The following COPB2 variants were observed in gnomAD, a reference collection of about 807,000 sequenced individuals.
The protein encoded by COPB2 is coatomer subunit beta'.
COPB2 carries 16 observed loss-of-function variants against 120.8 expected under a neutral mutation model. The ratio of observed to expected loss-of-function variants is 0.13; its 90% CI spans 0.09 to 0.20. The LOEUF (loss-of-function observed/expected upper bound fraction) is 0.20, where lower values mean the gene tolerates loss of function less well. Ranked by LOEUF, COPB2 falls within the 10% of genes least tolerant of loss-of-function variation. The pLI is 1.00. For synonymous variants in COPB2, 332 were observed against 366.3 expected (o/e 0.91, Z 1.07); for missense variants, 794 against 1,076.5 (o/e 0.74, Z 3.67).
rs944097587 is a variant in COPB2 at position 139,371,953 on chromosome 3, T to C, written c.1095-120A>G. 3.2e-5 allele frequency: 22 copies of C among 690,860 alleles called. 1 individual carries two copies. The East Asian group carries it at 3.4e-4, about 11-fold the overall frequency. The allele number at this position is 690,860 out of a possible 1,614,324, so 42.8% of individuals were successfully genotyped here. On this transcript the variant is annotated intron_variant, in intron 9 of 21. Coordinates refer to ENST00000333188, the MANE Select transcript of COPB2 (RefSeq NM_004766.3). ...ATAACAAATGTTATTTAGTTCATTATTACAATTTAACATCTTTTAAAAGTT... is the reference window on the plus strand; with the variant it reads ...ATAACAAATGTTATTTAGTTCATTACTACAATTTAACATCTTTTAAAAGTT...
intron 17 of COPB2, 44 bp downstream of exon 17, chr3:139,361,037 C>A: frequency 6.3e-7 from 1 of 1,598,630 alleles, no homozygotes; most frequent in Non-Finnish European, 8.6e-7. Context: ...CTCCAAAAAC[C>A]ATCCTCAGTG....
At chr3:139,388,874 C>T (rs934088617) in intron 1 of COPB2, among the ~76,000 whole-genome samples, 1 of 151,302 alleles carries the variant, frequency 6.6e-6, no homozygotes, top group Non-Finnish European at 1.5e-5. Context: ...TATTATAACA[C>T]TCTTGTGCAA....
rs141200400 is a variant in COPB2, at chr3:139,359,887, T to C, written c.2211-525A>G. ...TTTTCGAAAGGTGATACAGTATGTATACTATGTATTACCTTACATCCTCAG... is the reference window on the plus strand; with the variant it reads ...TTTTCGAAAGGTGATACAGTATGTACACTATGTATTACCTTACATCCTCAG... On this transcript the variant is annotated intron_variant, in intron 17 of 21. Coordinates refer to ENST00000333188, the MANE Select transcript of COPB2 (RefSeq NM_004766.3). 3.0e-4 allele frequency among the ~76,000 whole-genome samples: 46 copies of C among 152,296 alleles called. 1 individual carries two copies. The highest frequency in any genetic ancestry group is 9.6e-4 in the African/African-American group (40 of 41,564).
In COPB2 at chr3:139,369,356, C is replaced by T. The variant is rs745454371; in HGVS notation, c.1306G>A (p.Gly436Ser). The T allele has an allele frequency of 1.4e-5, 22 of 1,613,038 alleles. No homozygotes were observed. The highest frequency in any genetic ancestry group is 4.0e-5 in the African/African-American group (3 of 74,816). ...PDFGAESIYG[G>S]FLLGVRSVNG... ...ACAGATCTGACTCCCAATAAGAAGC[C>T]GCCGTAGATACCTAAAGGGAACATA... The change falls in exon 12 of 22, where the codon GGC (glycine) becomes AGC (serine). Residue 436 changes from glycine (G) to serine (S), a missense_variant. Coordinates refer to ENST00000333188, the MANE Select transcript of COPB2 (RefSeq NM_004766.3).
chr3:139,387,280 AAAAG>A lies in COPB2; in HGVS notation c.3+2264_3+2267del, dbSNP rs780111047. On this transcript the variant is annotated intron_variant, in intron 1 of 21. Transcript: ENST00000333188. ...GAAAGAAAAGAAAAAGAAAAGAAAGAAAAGAAAGAAAGAACGAACAGGCAAGGGT... is the reference window on the plus strand; with the variant it reads ...GAAAGAAAAGAAAAAGAAAAGAAAGAAAAGAAAGAACGAACAGGCAAGGGT... 7.2e-5 allele frequency among the ~76,000 whole-genome samples: 11 copies of A among 152,160 alleles called. No homozygotes were observed. The East Asian group carries it at 9.6e-4, about 13-fold the overall frequency.
intron 2 of COPB2, chr3:139,379,747 C>T: frequency 3.0e-6 from 1 of 335,454 alleles, no homozygotes; most frequent in South Asian, 4.1e-5. Context: ...TTTCCAGCCT[C>T]ACCTTTGGCT....
Position 139,361,113 on chromosome 3 carries a change from A to G in COPB2, c.2178T>C (p.Asn726=). ...GTAAAAAGTAGCTCATGAATGCCAC[A>G]TTATTTTTGCCATCTCTCTCCGCAC... ...AEGAERDGKN[N]VAFMSYFLQG... Residue 726 remains asparagine, a synonymous_variant, in exon 17 of 22, where the codon AAT becomes AAC. Coordinates refer to ENST00000333188, the MANE Select transcript of COPB2 (RefSeq NM_004766.3). 1.2e-6 allele frequency: 2 copies of G among 1,614,204 alleles called. No individual in the cohort carries two copies. The highest frequency in any genetic ancestry group is 1.7e-6 in the Non-Finnish European group (2 of 1,180,036).
chr3:139,362,244 C>A (rs1479840766), intron 16 of COPB2, among the ~76,000 whole-genome samples, 163 bp downstream of exon 16: 1 of 152,154 alleles, frequency 6.6e-6, no homozygotes, highest in Admixed American at 6.5e-5. Flanking sequence ...CAAAGTTTAA[C>A]ATAATACATC....
At chr3:139,358,864 A>G (rs754065444) in intron 19 of COPB2, 52 bp from the exon 20 acceptor site, 2 of 1,566,800 alleles carry the variant, frequency 1.3e-6, no homozygotes, top group African/African-American at 1.4e-5. Context: ...ATCATAATTT[A>G]CCTATGAACT....
intron 2 of COPB2, chr3:139,380,282 A>C (rs1248386603): frequency 1.3e-5 from 2 of 152,254 alleles, no homozygotes; most frequent in Non-Finnish European, 2.9e-5. Context: ...AAGTGCTGGG[A>C]TTACAGGCGT....
chr3:139,383,257 C>T (rs201627804), intron 2 of COPB2, 41 bp downstream of exon 2: 5 of 1,598,392 alleles, frequency 3.1e-6, no homozygotes, highest in Non-Finnish European at 4.3e-6. Context: ...CACAGTCTCA[C>T]ATAGTATTTT....
intron 5 of COPB2, 150 bp downstream of exon 5, chr3:139,377,891 A>G: frequency 1.5e-6 from 1 of 649,976 alleles, no homozygotes; most frequent in Non-Finnish European, 2.3e-6. Flanking sequence ...TGTCGTTTGG[A>G]TTAAAATGAG....
chr3:139,375,760 T>C, intron 5 of COPB2, 146 bp from the exon 6 acceptor site: 1 of 1,084,962 alleles, frequency 9.2e-7, no homozygotes, highest in Non-Finnish European at 1.2e-6. Context: ...GTTTGGTTTT[T>C]GTTCTTTCTC....
At chr3:139,380,265 G>T (rs1210401055) in intron 2 of COPB2, 1 of 152,084 alleles carries the variant, frequency 6.6e-6, no homozygotes, top group Admixed American at 6.5e-5. Flanking sequence ...ACCCGTCTCA[G>T]CCTCCCAAGT....
Position 139,358,832 on chromosome 3 carries a change from TGATGAAATGA to T in COPB2, c.2485-30_2485-21del, listed in dbSNP as rs151019117. On this transcript the variant is annotated intron_variant, in intron 19 of 21. Transcript: ENST00000333188. The stretch of plus-strand genomic sequence containing the variant: ...ATTTGGCTATCAGAGAATAAAGCAA[TGATGAAATGA>T]GATATTCTGAAATCATAATTTACCT... 8,604 of 1,598,330 alleles carry T rather than the reference TGATGAAATGA, an allele frequency of 5.4e-3. 32 individuals are homozygous for T. The highest frequency in any genetic ancestry group is 6.4e-3 in the Non-Finnish European group (7,451 of 1,165,926).
intron 7 of COPB2, 139 bp downstream of exon 7, chr3:139,374,350 T>C (rs1348038455): frequency 1.5e-6 from 1 of 652,670 alleles, no homozygotes; most frequent in East Asian, 2.8e-5. Flanking sequence ...CCCTTTACTC[T>C]TTTATAGCTT....
Position 139,373,423 on chromosome 3 carries a change from G to T in COPB2, c.895-11C>A. ...TTCCTCCCGACCAAGCTGAAAGAAA[G>T]AAAAATAGCTCTCAGCAATGAAAAG... On this transcript the variant is annotated splice_polypyrimidine_tract_variant and intron_variant, in intron 8 of 21. Coordinates refer to ENST00000333188, the MANE Select transcript of COPB2 (RefSeq NM_004766.3). 1 of 1,613,392 alleles carries T rather than the reference G, an allele frequency of 6.2e-7. No individual in the cohort carries two copies. The highest frequency in any genetic ancestry group is 8.5e-7 in the Non-Finnish European group (1 of 1,179,692).
rs1250910662 is a variant in COPB2 at position 139,362,543 on chromosome 3, ATATT to A, written c.1885-30_1885-27del. ...CTAAACAGATTTTTAAAAATTATAT[ATATT>A]TATGCATACAAAAATGTATGTATGT... On this transcript the variant is annotated intron_variant, in intron 15 of 21. Coordinates refer to ENST00000333188, the MANE Select transcript of COPB2 (RefSeq NM_004766.3). The A allele has an allele frequency of 1.0e-5, 15 of 1,432,370 alleles. No homozygotes were observed. The Admixed American group carries it at 1.7e-4, about 16-fold the overall frequency. The allele number at this position is 1,432,370 out of a possible 1,614,324, so 88.7% of individuals were successfully genotyped here.
intron 5 of COPB2, among the ~76,000 whole-genome samples, chr3:139,375,901 A>C (rs1419210067): frequency 2.0e-5 from 3 of 152,160 alleles, no homozygotes; most frequent in Admixed American, 2.0e-4. Flanking sequence ...AGATGTTATG[A>C]AATTATTTTA....
Sources: allele counts gnomAD v4.1 joint callset (sites outside exome capture counted in the v4.1 genomes callset), GRCh38; gene constraint gnomAD v4.1.1; transcripts MANE v1.5; gene names NCBI Gene and HGNC (gene_info 2026-07-23, HGNC 2026-07-21).